Variants in LRRIQ3 observed in about 807,000 individuals in gnomAD.
LRRIQ3 encodes leucine rich repeats and IQ motif containing 3.
In LRRIQ3, 75 loss-of-function variants were observed where a neutral mutation model predicts 59.3. The ratio of observed to expected loss-of-function variants is 1.26; its 90% CI spans 1.05 to 1.53. The LOEUF is 1.53. Ranked by LOEUF, LRRIQ3 falls within the 40% of genes most tolerant of loss-of-function variation. The pLI, the probability that LRRIQ3 is intolerant of heterozygous loss-of-function variation, is 0.00. For synonymous variants in LRRIQ3, 250 were observed against 231.3 expected (o/e 1.08, Z -0.73); for missense variants, 831 against 710.0 (o/e 1.17, Z -1.94).
In LRRIQ3 at chr1:74,090,097, G is replaced by A. The variant is rs1006385095; in HGVS notation, c.868-15307C>T. On this transcript the variant is annotated intron_variant, in intron 5 of 7. Coordinates refer to ENST00000354431, the MANE Select transcript of LRRIQ3 (RefSeq NM_001105659.2). ...ATATGAATTTTACTATGTTTTTACT[G>A]TTTGATAAAACTGAAGCTCAAAATA... Among the ~76,000 whole-genome samples, 52 of 151,972 alleles carry A rather than the reference G, an allele frequency of 3.4e-4. 2 individuals carry two copies. The highest frequency in any genetic ancestry group is 1.3e-4 in the Non-Finnish European group (9 of 67,980).
In LRRIQ3 at chr1:74,102,228, C is replaced by G. The variant is rs1463721844; in HGVS notation, c.867+7166G>C. Among the ~76,000 whole-genome samples the G allele has an allele frequency of 1.3e-5, 2 of 151,918 alleles. 1 individual carries two copies. Among genetic ancestry groups the G allele is most frequent in the Non-Finnish European group, 2.9e-5 (2 of 67,974 alleles). Reference sequence around the variant, plus strand: ...CTGCTACTCTCCAAATTATTCGATACTGATACAGTATTATCTTCACTGAGT... The same window carrying G: ...CTGCTACTCTCCAAATTATTCGATAGTGATACAGTATTATCTTCACTGAGT... On this transcript the variant is annotated intron_variant, in intron 5 of 7. Transcript: ENST00000354431.
intron 1 of LRRIQ3, among the ~76,000 whole-genome samples, chr1:74,190,359 T>C (rs539721058): frequency 6.6e-5 from 10 of 152,032 alleles, no homozygotes; most frequent in African/African-American, 2.2e-4. Context: ...AAAAACATTA[T>C]AACAGAAATG....
In LRRIQ3 at chr1:74,041,497, T is replaced by G. The variant is rs766990917; in HGVS notation, c.1434A>C (p.Thr478=). Residue 478 remains threonine (T), a synonymous_variant, in exon 7 of 8, where the codon ACA becomes ACC. Coordinates refer to ENST00000354431, the MANE Select transcript of LRRIQ3 (RefSeq NM_001105659.2). The part of the protein sequence containing the change: ...TQKLIEENKE[T]IQNSLRQVWQ... The stretch of plus-strand genomic sequence containing the variant: ...AAACTTGTCGTAAACTGTTCTGAAT[T>G]GTCTCTTTATTTTCTTCAATTAGTT... The G allele has an allele frequency of 6.2e-7, 1 of 1,611,796 alleles. No homozygotes were observed. The highest frequency in any genetic ancestry group is 1.1e-5 in the South Asian group (1 of 90,374).
chr1:74,063,119 C>T (rs1322094589), intron 6 of LRRIQ3, among the ~76,000 whole-genome samples: 1 of 150,494 alleles, frequency 6.6e-6, no homozygotes, highest in African/African-American at 2.4e-5. Flanking sequence ...AACCCCAAAA[C>T]CAAACAACAA....
intron 5 of LRRIQ3, among the ~76,000 whole-genome samples, chr1:74,075,513 G>A (rs560890855): frequency 1.3e-4 from 19 of 151,914 alleles, no homozygotes; most frequent in African/African-American, 4.6e-4. Context: ...ATTGCAGTGA[G>A]CCAAGATTGC....
chr1:74,173,021 G>T (rs1273802868), intron 3 of LRRIQ3, among the ~76,000 whole-genome samples: 3 of 151,908 alleles, frequency 2.0e-5, no homozygotes, highest in Non-Finnish European at 2.9e-5. Flanking sequence ...ATCCATTCAG[G>T]CCAGGCACAG....
At chr1:74,051,995 T>A (rs183832427) in intron 6 of LRRIQ3, among the ~76,000 whole-genome samples, 2 of 152,232 alleles carry the variant, frequency 1.3e-5, no homozygotes, top group Non-Finnish European at 2.9e-5. Context: ...TACAGGTTCC[T>A]GAATAACTAT....
intron 3 of LRRIQ3, among the ~76,000 whole-genome samples, chr1:74,163,930 C>T (rs1648809202): frequency 1.3e-5 from 2 of 151,128 alleles, no homozygotes; most frequent in African/African-American, 2.4e-5. Context: ...TAATTTTAGC[C>T]ATTCTGAATA....
rs1033105182 is a variant in LRRIQ3 at position 74,056,358 on chromosome 1, G to A, written c.998-14425C>T. Among the ~76,000 whole-genome samples, 8 of 151,940 alleles carry A rather than the reference G, an allele frequency of 5.3e-5. No homozygotes were observed. In the South Asian group the frequency reaches 1.7e-3, roughly 32 times the overall value. On this transcript the variant is annotated intron_variant, in intron 6 of 7. Transcript: ENST00000354431. The stretch of plus-strand genomic sequence containing the variant: ...ACCACTTGTATTCAACATAGTACTA[G>A]AAGTTGCAGCCAGAGCAATTAGGCA...
At chr1:74,043,537 T>C (rs1329717183) in intron 6 of LRRIQ3, among the ~76,000 whole-genome samples, 2 of 152,108 alleles carry the variant, frequency 1.3e-5, no homozygotes, top group African/African-American at 2.4e-5. Context: ...AAAGCCAAAG[T>C]GTCCAGAAAT....
At chr1:74,050,554 T>C (rs1654340769) in intron 6 of LRRIQ3, 1 of 985,302 alleles carries the variant, frequency 1.0e-6, no homozygotes, top group Admixed American at 6.2e-5. Flanking sequence ...CTGAACGTAT[T>C]GCAGATTTAT....
At chr1:74,125,035 A>G (rs997173394) in intron 4 of LRRIQ3, among the ~76,000 whole-genome samples, 2 of 151,784 alleles carry the variant, frequency 1.3e-5, no homozygotes, top group Non-Finnish European at 2.9e-5. Flanking sequence ...AATTTCTTTC[A>G]TCAATGTTTT....
intron 6 of LRRIQ3, among the ~76,000 whole-genome samples, chr1:74,059,456 T>C (rs967804122): frequency 2.0e-5 from 3 of 152,064 alleles, no homozygotes; most frequent in African/African-American, 7.2e-5. Context: ...TTTTTGAATG[T>C]AGATATATAG....
intron 1 of LRRIQ3, among the ~76,000 whole-genome samples, chr1:74,188,656 CA>C (rs1650563940): frequency 1.3e-5 from 2 of 152,176 alleles, no homozygotes; most frequent in South Asian, 4.1e-4. Context: ...ACCCTGTGAA[CA>C]GAAAACTTGT....
At chr1:74,087,139 T>G (rs897555056) in intron 5 of LRRIQ3, among the ~76,000 whole-genome samples, 2 of 152,186 alleles carry the variant, frequency 1.3e-5, no homozygotes, top group South Asian at 2.1e-4. Flanking sequence ...TTAAAATATA[T>G]AGAGAGAACT....
intron 4 of LRRIQ3, chr1:74,144,618 C>A: frequency 4.5e-6 from 1 of 223,404 alleles, no homozygotes. Flanking sequence ...TCTTCTGTAG[C>A]AGTCAGGGTT....
intron 6 of LRRIQ3, among the ~76,000 whole-genome samples, chr1:74,042,153 T>C (rs552838985): frequency 6.6e-6 from 1 of 152,260 alleles, no homozygotes; most frequent in South Asian, 2.1e-4. Flanking sequence ...CTAATTCTTA[T>C]ATTTTCTGTA....
At chr1:74,130,217 T>G (rs1477491868) in intron 4 of LRRIQ3, among the ~76,000 whole-genome samples, 1 of 152,048 alleles carries the variant, frequency 6.6e-6, no homozygotes, top group East Asian at 1.9e-4. Context: ...CAAGTTAATG[T>G]AGGCCTCCCC....
chr1:74,192,901 C>T (rs563451134), intron 1 of LRRIQ3, among the ~76,000 whole-genome samples: 1 of 152,108 alleles, frequency 6.6e-6, no homozygotes, highest in Non-Finnish European at 1.5e-5. Context: ...CCACATGCAG[C>T]ATTTCAATTT....
Sources: allele counts gnomAD v4.1 joint callset (sites outside exome capture counted in the v4.1 genomes callset), GRCh38; gene constraint gnomAD v4.1.1; transcripts MANE v1.5; gene names NCBI Gene and HGNC (gene_info 2026-07-23, HGNC 2026-07-21).